Variants in TMEM116 observed in about 807,000 individuals in gnomAD.
TMEM116 encodes the protein transmembrane protein 116.
In TMEM116, 38 loss-of-function variants were observed where a neutral mutation model predicts 44.3. The observed-to-expected ratio is 0.86, with a 90% CI of 0.66 to 1.12. The LOEUF is 1.12. TMEM116 is among the 50% of genes most tolerant of loss of function. TMEM116 has a pLI of 0.00. For missense variants in TMEM116, 354 were observed against 401.7 expected (o/e 0.88, Z 1.01); for synonymous variants, 132 against 144.8 (o/e 0.91, Z 0.64).
intron 5 of TMEM116, among the ~76,000 whole-genome samples, chr12:111,942,477 T>C (rs1304807114): frequency 6.6e-6 from 1 of 152,054 alleles, no homozygotes; most frequent in East Asian, 1.9e-4. Context: ...TTTCACCGTG[T>C]TAGCCCGAAT....
At chr12:112,004,432 C>A (rs776297802) in intron 2 of TMEM116, among the ~76,000 whole-genome samples, 10 of 151,454 alleles carry the variant, frequency 6.6e-5, no homozygotes, top group Non-Finnish European at 1.3e-4. Flanking sequence ...CTACGGGCAT[C>A]TGCTACCATG....
In TMEM116 at chr12:111,931,767, T is replaced by C; in HGVS notation, c.868A>G (p.Lys290Glu). Residue 290 changes from lysine to glutamate, a missense_variant, in exon 11 of 11, where the codon AAA (lysine) becomes GAA (glutamate). Physicochemically the swap from Lys to Glu is moderately conservative, Grantham distance 56. Transcript: ENST00000552374. ...NCGVYGWTQH[K>E]FHQLKQEARR... ...GCCTCCTGCTTTAGTTGGTGGAATT[T>C]GTGCTGCGTCCAGCCATATACTCCA... The C allele has an allele frequency of 6.2e-7, 1 of 1,602,908 alleles. No individual in the cohort carries two copies. The highest frequency in any genetic ancestry group is 8.5e-7 in the Non-Finnish European group (1 of 1,174,710).
At chr12:111,945,943 T>C (rs2073238143) in intron 4 of TMEM116, among the ~76,000 whole-genome samples, 1 of 152,202 alleles carries the variant, frequency 6.6e-6, no homozygotes, top group African/African-American at 2.4e-5. Context: ...TAAAATAGGC[T>C]TTGTGTTTTG....
rs2077415502 is a variant in TMEM116, at chr12:112,003,780, C to T, written c.78+20G>A. 4.0e-6 allele frequency: 6 copies of T among 1,508,918 alleles called. No homozygotes were observed. Among genetic ancestry groups the T allele is most frequent in the Non-Finnish European group, 5.3e-6 (6 of 1,139,566 alleles). 93.5% of individuals were successfully genotyped at this position (1,508,918 alleles called of 1,614,324 possible). On this transcript the variant is annotated intron_variant, in intron 3 of 10. Coordinates refer to ENST00000552374, the MANE Select transcript of TMEM116 (RefSeq NM_001193531.2). ...AGGTCAATAAAAAGTTCAAATCCAACACAAAGAGAAATCACTCACCTCTGG... is the reference window on the plus strand; with the variant it reads ...AGGTCAATAAAAAGTTCAAATCCAATACAAAGAGAAATCACTCACCTCTGG...
intron 4 of TMEM116, among the ~76,000 whole-genome samples, chr12:111,957,284 C>T (rs577328870): frequency 1.3e-5 from 2 of 152,074 alleles, no homozygotes; most frequent in African/African-American, 4.8e-5. Flanking sequence ...GCCATGATCC[C>T]GTCTGGGAAC....
At chr12:111,962,066 A>G (rs558510016) in intron 4 of TMEM116, among the ~76,000 whole-genome samples, 2 of 152,322 alleles carry the variant, frequency 1.3e-5, no homozygotes, top group African/African-American at 4.8e-5. Context: ...CCCATTCACA[A>G]TTGCTACAAA....
At chr12:111,935,515 CTT>C (rs1241031089) in intron 8 of TMEM116, 1 of 151,964 alleles carries the variant, frequency 6.6e-6, no homozygotes, top group East Asian at 1.9e-4. Flanking sequence ...ACCTGTCTCT[CTT>C]GTTAGTCAGT....
intron 4 of TMEM116, among the ~76,000 whole-genome samples, chr12:111,964,216 G>A (rs1284429758): frequency 1.3e-5 from 2 of 151,440 alleles, no homozygotes; most frequent in African/African-American, 2.4e-5. Context: ...TGAGGTGGGC[G>A]GATCACAAGG....
chr12:111,991,934 G>C, intron 3 of TMEM116, 45 bp from the exon 4 acceptor site: 2 of 1,513,578 alleles, frequency 1.3e-6, no homozygotes, highest in Non-Finnish European at 1.8e-6. Context: ...ATGTAGCTAG[G>C]AGAATGTTAA....
chr12:111,983,901 G>C (rs112193965), intron 4 of TMEM116, among the ~76,000 whole-genome samples: 1 of 152,238 alleles, frequency 6.6e-6, no homozygotes, highest in South Asian at 2.1e-4. Flanking sequence ...TATCCCTGAT[G>C]AATACTGTTG....
At chr12:111,936,669 AG>A (rs2072186141) in intron 8 of TMEM116, 22 bp downstream of exon 8, 8 of 1,607,754 alleles carry the variant, frequency 5.0e-6, no homozygotes, top group Non-Finnish European at 5.9e-6. Flanking sequence ...CTCTCCACAA[AG>A]GAAGGTAGGG....
At chr12:111,960,208 G>A (rs537613552) in intron 4 of TMEM116, among the ~76,000 whole-genome samples, 3 of 152,092 alleles carry the variant, frequency 2.0e-5, no homozygotes, top group Middle Eastern at 3.4e-3. Context: ...ACTCAGAATC[G>A]GCCGGGCACA....
intron 3 of TMEM116, among the ~76,000 whole-genome samples, chr12:112,001,782 C>G (rs552717083): frequency 1.3e-5 from 2 of 152,332 alleles, no homozygotes; most frequent in Non-Finnish European, 2.9e-5. Context: ...CTTTGGCAGG[C>G]AATGACAATA....
Position 111,937,150 on chromosome 12 carries a change from TCTTA to T in TMEM116, c.449+6_449+9del. On this transcript the variant is annotated splice_donor_region_variant and intron_variant, in intron 7 of 10. Coordinates refer to ENST00000552374, the MANE Select transcript of TMEM116 (RefSeq NM_001193531.2). ...CTGCCATGAAAATTATACATTTAGT[TCTTA>T]CTTACTTGTGGCTCTGACTGAAGTT... 1 of 1,603,722 alleles carries T rather than the reference TCTTA, an allele frequency of 6.2e-7. No homozygotes were observed. Among genetic ancestry groups the T allele is most frequent in the South Asian group, 1.1e-5 (1 of 90,842 alleles).
At chr12:111,973,603 T>A (rs2075489362) in intron 4 of TMEM116, among the ~76,000 whole-genome samples, 1 of 152,202 alleles carries the variant, frequency 6.6e-6, no homozygotes, top group South Asian at 2.1e-4. Flanking sequence ...AACTTCCATT[T>A]TAAGAAAGAG....
chr12:111,971,328 A>C (rs2075320980), intron 4 of TMEM116, among the ~76,000 whole-genome samples: 1 of 152,188 alleles, frequency 6.6e-6, no homozygotes, highest in Non-Finnish European at 1.5e-5. Context: ...GGGTTTTAAA[A>C]CATGGAAAAG....
At chr12:111,970,682 G>A (rs1173000477) in intron 4 of TMEM116, among the ~76,000 whole-genome samples, 1 of 151,608 alleles carries the variant, frequency 6.6e-6, no homozygotes. Context: ...TGCCTTCTGG[G>A]TTTACACCAT....
intron 4 of TMEM116, among the ~76,000 whole-genome samples, chr12:111,986,495 T>C (rs2076236777): frequency 6.6e-6 from 1 of 151,800 alleles, no homozygotes. Flanking sequence ...CAAGATCATT[T>C]AATGGGGAAA....
chr12:111,970,662 C>A (rs1054413465), intron 4 of TMEM116, among the ~76,000 whole-genome samples: 4 of 150,554 alleles, frequency 2.7e-5, no homozygotes, highest in Non-Finnish European at 5.9e-5. Context: ...TCTCAGCTCA[C>A]TGCAACCTCT....
Sources: gnomAD v4.1 joint callset for allele counts (sites outside exome capture counted in the v4.1 genomes callset) on GRCh38, gnomAD v4.1.1 for gene constraint, MANE v1.5 for transcripts, NCBI Gene and HGNC (gene_info 2026-07-23, HGNC 2026-07-21) for gene names.